Variants in C16orf96 observed in about 807,000 individuals in gnomAD.
C16orf96 encodes uncharacterized protein C16orf96.
C16orf96 carries 108 observed loss-of-function variants against 103.6 expected under a neutral mutation model. That is an observed-to-expected ratio of 1.04 (90% CI 0.89 to 1.22). The LOEUF (loss-of-function observed/expected upper bound fraction) is 1.22, where lower values mean the gene tolerates loss of function less well. Among genes scored for constraint, C16orf96 ranks in the 50% most tolerant of loss-of-function variants. The pLI, the probability that C16orf96 is intolerant of heterozygous loss-of-function variation, is 0.00. For synonymous variants in C16orf96, 566 were observed against 593.5 expected, an observed-to-expected ratio of 0.95 and a Z score of 0.67; for missense variants, 1,586 against 1,464.2, an observed-to-expected ratio of 1.08 and a Z score of -1.36.
chr16:4,571,469 T>C, intron 1 of C16orf96, 92 bp from the exon 2 acceptor site: 1 of 1,136,252 alleles, frequency 8.8e-7, no homozygotes, highest in Non-Finnish European at 1.3e-6. Flanking sequence ...GAGGACCTCT[T>C]GAACAACGGC....
chr16:4,566,424 C>T (rs185300537), intron 1 of C16orf96, among the ~76,000 whole-genome samples: 2 of 152,290 alleles, frequency 1.3e-5, no homozygotes, highest in East Asian at 1.9e-4. Context: ...TCCCTGATGA[C>T]GAATGATGTT....
chr16:4,555,465 C>A (rs2059254355), upstream of C16orf96, among the ~76,000 whole-genome samples: 1 of 151,732 alleles, frequency 6.6e-6, no homozygotes, highest in African/African-American at 2.4e-5. Flanking sequence ...CCTCCACCTC[C>A]CGGATTTAAG....
the C16orf96 span, among the ~76,000 whole-genome samples, chr16:4,551,212 G>A: frequency 2.6e-5 from 4 of 152,298 alleles, no homozygotes; most frequent in African/African-American, 9.6e-5. Flanking sequence ...TTGAGGCTGC[G>A]TGAGCTGCGA....
rs552210392 is a variant in C16orf96 at position 4,586,216 on chromosome 16, C to G, written c.2353-823C>G. Reference sequence around the variant, plus strand: ...CGGAGGTTGCAGTGAGCCGAAATGGCGCCACTGCACTCCAGCCTGGGCGAC... The same window carrying G: ...CGGAGGTTGCAGTGAGCCGAAATGGGGCCACTGCACTCCAGCCTGGGCGAC... On this transcript the variant is annotated intron_variant, in intron 7 of 15. Transcript: ENST00000444310. Among the ~76,000 whole-genome samples the G allele has an allele frequency of 1.2e-3, 182 of 152,188 alleles. 1 individual carries two copies. The highest frequency in any genetic ancestry group is 4.3e-3 in the African/African-American group (177 of 41,502).
At chr16:4,578,010 T>C (rs1355788125) in intron 5 of C16orf96, among the ~76,000 whole-genome samples, 1 of 151,980 alleles carries the variant, frequency 6.6e-6, no homozygotes, top group Non-Finnish European at 1.5e-5. Context: ...CTCAGGAGGC[T>C]GAGGTGGGAA....
the C16orf96 span, among the ~76,000 whole-genome samples, chr16:4,544,236 T>A: frequency 6.6e-6 from 1 of 152,140 alleles, no homozygotes; most frequent in Admixed American, 6.6e-5. Context: ...TGAGAGCCAG[T>A]GAGAACCAGA....
At chr16:4,572,819 A>G (rs1487799073) in intron 2 of C16orf96, among the ~76,000 whole-genome samples, 1 of 152,168 alleles carries the variant, frequency 6.6e-6, no homozygotes, top group Admixed American at 6.6e-5. Flanking sequence ...AAAAACCATC[A>G]GCCAAGTATT....
chr16:4,587,164 C>T, intron 8 of C16orf96, 51 bp downstream of exon 8: 6 of 1,470,218 alleles, frequency 4.1e-6, no homozygotes, highest in South Asian at 1.2e-5. Flanking sequence ...CCCAGGGAAA[C>T]GGCACCATCC....
intron 1 of C16orf96, chr16:4,563,134 C>T (rs569752098): frequency 4.4e-5 from 34 of 779,758 alleles, no homozygotes; most frequent in Admixed American, 9.6e-5. Context: ...TTTTGTCAAC[C>T]TCACTGTCAG....
At chr16:4,566,999 C>T (rs2059390191) in intron 1 of C16orf96, among the ~76,000 whole-genome samples, 1 of 151,898 alleles carries the variant, frequency 6.6e-6, no homozygotes, top group South Asian at 2.1e-4. Context: ...TCCTCTATTT[C>T]ATTAATTTCA....
At chr16:4,543,987 G>T in the C16orf96 span, among the ~76,000 whole-genome samples, 1 of 152,064 alleles carries the variant, frequency 6.6e-6, no homozygotes, top group African/African-American at 2.4e-5. Context: ...TGGAGGGGGT[G>T]CAAATTTGAG....
chr16:4,588,072 A>G, intron 8 of C16orf96, 95 bp from the exon 9 acceptor site: 1 of 1,311,670 alleles, frequency 7.6e-7, no homozygotes, highest in Non-Finnish European at 1.0e-6. Flanking sequence ...CAGAGTCCCA[A>G]ACTAGAAGCA....
chr16:4,583,124 G>C (rs556384597), intron 7 of C16orf96, among the ~76,000 whole-genome samples: 3 of 152,280 alleles, frequency 2.0e-5, no homozygotes, highest in African/African-American at 4.8e-5. Flanking sequence ...TGTAATCCCA[G>C]CTACTCGGGA....
At chr16:4,592,411 G>T in intron 11 of C16orf96, 44 bp downstream of exon 11, 1 of 1,549,764 alleles carries the variant, frequency 6.5e-7, no homozygotes, top group Non-Finnish European at 8.7e-7. Context: ...AGGGCTTGTG[G>T]GGCCCATGGA....
chr16:4,578,064 C>G (rs1055121315), intron 5 of C16orf96, among the ~76,000 whole-genome samples: 2 of 152,140 alleles, frequency 1.3e-5, no homozygotes, highest in East Asian at 3.9e-4. Flanking sequence ...GGGTTATGAT[C>G]GTGCCACTGC....
intron 8 of C16orf96, among the ~76,000 whole-genome samples, chr16:4,587,388 C>T (rs903092214): frequency 6.6e-6 from 1 of 151,974 alleles, no homozygotes; most frequent in African/African-American, 2.4e-5. Flanking sequence ...AGTAGCCAGG[C>T]GTGGTGGCAG....
chr16:4,539,627 G>A, the C16orf96 span, among the ~76,000 whole-genome samples: 5 of 152,144 alleles, frequency 3.3e-5, no homozygotes, highest in Admixed American at 2.0e-4. Context: ...GGAGGTTGCA[G>A]TGAGCTGAGA....
At chr16:4,592,434 G>A (rs1897081383) in intron 11 of C16orf96, 67 bp downstream of exon 11, 3 of 1,500,970 alleles carry the variant, frequency 2.0e-6, no homozygotes, top group African/African-American at 1.4e-5. Context: ...TCATCTCCGT[G>A]CACCTCCATG....
At chr16:4,559,051 C>T (rs899415949) in intron 1 of C16orf96, among the ~76,000 whole-genome samples, 2 of 152,022 alleles carry the variant, frequency 1.3e-5, no homozygotes, top group African/African-American at 2.4e-5. Context: ...CACCACTGCC[C>T]TTCAGCCTGG....
Sources: gnomAD v4.1 joint callset for allele counts (sites outside exome capture counted in the v4.1 genomes callset) on GRCh38, gnomAD v4.1.1 for gene constraint, MANE v1.5 for transcripts, NCBI Gene and HGNC (gene_info 2026-07-23, HGNC 2026-07-21) for gene names.